ROS1: variants seen among roughly 807,000 people sequenced by gnomAD.
ROS1 encodes ROS proto-oncogene 1, receptor tyrosine kinase.
ROS1 carries 263 observed loss-of-function variants against 273.5 expected under a neutral mutation model. The observed-to-expected ratio is 0.96, with a 90% confidence interval of 0.87 to 1.06. The LOEUF (loss-of-function observed/expected upper bound fraction) is 1.06, where lower values mean the gene tolerates loss of function less well. ROS1 is among the 50% of genes least tolerant of loss of function. ROS1 has a pLI of 0.00. For missense variants in ROS1, 2,833 were observed against 2,751.1 expected (o/e 1.03, Z -0.67); for synonymous variants, 1,008 against 954.1 (o/e 1.06, Z -1.04).
intron 32 of ROS1, among the ~76,000 whole-genome samples, chr6:117,333,937 G>A (rs921978140): frequency 6.6e-6 from 1 of 152,074 alleles, no homozygotes; most frequent in Non-Finnish European, 1.5e-5. Context: ...ACCAGTACAA[G>A]ACAAGGGTGT....
chr6:117,369,885 A>T (rs1780615041), intron 18 of ROS1, among the ~76,000 whole-genome samples: 1 of 152,174 alleles, frequency 6.6e-6, no homozygotes, highest in Admixed American at 6.5e-5. Context: ...ATATACATAA[A>T]TATCTATCTA....
At chr6:117,388,123 C>T (rs192546448) in intron 13 of ROS1, 131 bp from the exon 14 acceptor site, 20 of 1,337,382 alleles carry the variant, frequency 1.5e-5, no homozygotes, top group African/African-American at 1.2e-4. Context: ...TCCGCTACCC[C>T]GATAATCACC....
intron 31 of ROS1, among the ~76,000 whole-genome samples, chr6:117,337,576 C>A (rs1777575053): frequency 6.6e-6 from 1 of 152,048 alleles, no homozygotes; most frequent in Admixed American, 6.6e-5. Flanking sequence ...CAAAGTGGGA[C>A]ATACACCTCT....
chr6:117,345,534 G>A (rs1231458138), intron 27 of ROS1, among the ~76,000 whole-genome samples: 1 of 152,208 alleles, frequency 6.6e-6, no homozygotes, highest in Non-Finnish European at 1.5e-5. Context: ...GAGGGTGCCT[G>A]ACATATATTA....
At chr6:117,409,695 T>C in intron 4 of ROS1, 53 bp from the exon 5 acceptor site, 2 of 1,427,080 alleles carry the variant, frequency 1.4e-6, no homozygotes, top group Admixed American at 1.7e-5. Context: ...CTGGTTTTGC[T>C]GATAAGCTTC....
Position 117,359,976 on chromosome 6 carries a change from CAAG to C in ROS1, c.3463_3465del (p.Leu1155del), listed in dbSNP as rs1291133053. Reference sequence around the variant, plus strand: ...ATATCTAAAAAAACTATCTTGTTACCAAGAAGAGTTATGAGGTGAGGAAATGGG... The same window carrying C: ...ATATCTAAAAAAACTATCTTGTTACCAAGAGTTATGAGGTGAGGAAATGGG... On this transcript the variant is annotated inframe_deletion, in exon 24 of 44. Coordinates refer to ENST00000368507, the MANE Select transcript of ROS1 (RefSeq NM_001378902.1). 3 of 1,613,596 alleles carry C rather than the reference CAAG, an allele frequency of 1.9e-6. No homozygotes were observed. Among genetic ancestry groups the C allele is most frequent in the Non-Finnish European group, 2.5e-6 (3 of 1,179,808 alleles).
intron 43 of ROS1, among the ~76,000 whole-genome samples, chr6:117,290,515 G>C (rs1219095052): frequency 6.6e-6 from 1 of 152,186 alleles, no homozygotes; most frequent in South Asian, 2.1e-4. Flanking sequence ...CATGCACTGG[G>C]CAACCTCTTT....
At chr6:117,360,459 T>TAA in intron 22 of ROS1, 54 bp from the exon 23 acceptor site, 1 of 1,234,854 alleles carries the variant, frequency 8.1e-7, no homozygotes. Flanking sequence ...TGGCAACAAT[T>TAA]AAGTTCTGAG....
chr6:117,345,465 A>C (rs1435557036), intron 27 of ROS1, among the ~76,000 whole-genome samples: 1 of 152,220 alleles, frequency 6.6e-6, no homozygotes, highest in Non-Finnish European at 1.5e-5. Flanking sequence ...TAGCACTAGA[A>C]TGTAACTATC....
At position 117,413,836 on chromosome 6, in the gene ROS1, C is replaced by G. The variant is rs1775121511; in HGVS notation, c.255+683G>C. 3.3e-5 allele frequency among the ~76,000 whole-genome samples: 5 copies of G among 152,072 alleles called. No homozygotes were observed. The South Asian group carries it at 1.0e-3, about 32-fold the overall frequency. On this transcript the variant is annotated intron_variant, in intron 4 of 43. Coordinates refer to ENST00000368507, the MANE Select transcript of ROS1 (RefSeq NM_001378902.1). ...ATCTCTACTAAAAATACAAAGTTAGCCAGGCATGGTGGCACATGCCTGTAG... is the reference window on the plus strand; with the variant it reads ...ATCTCTACTAAAAATACAAAGTTAGGCAGGCATGGTGGCACATGCCTGTAG...
intron 32 of ROS1, among the ~76,000 whole-genome samples, chr6:117,333,562 T>C (rs1777252548): frequency 6.6e-6 from 1 of 152,142 alleles, no homozygotes; most frequent in Admixed American, 6.6e-5. Flanking sequence ...CCAATATACC[T>C]GATGAACATT....
intron 23 of ROS1, 69 bp downstream of exon 23, chr6:117,360,273 G>GACACGGACAC: frequency 1.3e-6 from 1 of 762,284 alleles, no homozygotes; most frequent in Non-Finnish European, 2.2e-6. Flanking sequence ...ACACCAATGG[G>GACACGGACAC]ACACACACAC....
At chr6:117,402,127 T>G (rs562410917) in intron 7 of ROS1, among the ~76,000 whole-genome samples, 1 of 152,286 alleles carries the variant, frequency 6.6e-6, no homozygotes, top group African/African-American at 2.4e-5. Context: ...GTGACTCTCC[T>G]TCCAGAATAA....
rs766115237 is a variant in ROS1, at chr6:117,319,918, C to T, written c.5872G>A (p.Ala1958Thr). ...GAFGEVYEGT[A>T]VDILGVGSGE... ...CTTCCAACTCCTAAGATGTCCACTG[C>T]TGTTCCTTCATACACTTCTCCAAAG... The change falls in exon 37 of 44, where the codon GCA becomes ACA. Residue 1958 changes from alanine (A) to threonine (T), a missense_variant. Coordinates refer to ENST00000368507, the MANE Select transcript of ROS1 (RefSeq NM_001378902.1). The T allele has an allele frequency of 1.1e-5, 17 of 1,613,318 alleles. No homozygotes were observed. The highest frequency in any genetic ancestry group is 1.4e-5 in the Non-Finnish European group (16 of 1,179,540).
intron 15 of ROS1, among the ~76,000 whole-genome samples, chr6:117,386,601 T>C (rs1483977729): frequency 1.3e-5 from 2 of 152,254 alleles, no homozygotes; most frequent in African/African-American, 4.8e-5. Context: ...GATAGGCTGT[T>C]AATGTGAGAT....
intron 42 of ROS1, among the ~76,000 whole-genome samples, chr6:117,305,563 C>A (rs1775038370): frequency 1.3e-5 from 2 of 152,058 alleles, no homozygotes; most frequent in African/African-American, 2.4e-5. Context: ...AATATATAAA[C>A]CCTTTCTGTT....
rs1777883679 is a variant in ROS1 at position 117,341,191 on chromosome 6, T to A, written c.5005A>T (p.Asn1669Tyr). 1 of 1,613,458 alleles carries A rather than the reference T, an allele frequency of 6.2e-7. No homozygotes were observed. The change falls in exon 31 of 44, where the codon AAT becomes TAT. Residue 1669 changes from asparagine to tyrosine, a missense_variant. Coordinates refer to ENST00000368507, the MANE Select transcript of ROS1 (RefSeq NM_001378902.1). ...TTAACATTCAATGGAGCCTTCCAAT[T>A]AAATTGCAAACTAGTGTTCTCTGGA... Reference protein sequence around the residue: ...LVPENTSLQFNWKAPLNVNLI... With the variant: ...LVPENTSLQFYWKAPLNVNLI...
At position 117,365,754 on chromosome 6, in the gene ROS1, AC is replaced by A. The variant is rs758837315; in HGVS notation, c.2798-14del. The A allele has an allele frequency of 2.4e-5, 36 of 1,526,298 alleles. No homozygotes were observed. The East Asian group carries it at 7.7e-4, about 33-fold the overall frequency. The allele number at this position is 1,526,298 out of a possible 1,614,324, so 94.5% of individuals were successfully genotyped here. A position where few individuals can be genotyped will look rare whatever the true frequency, so the allele number is the denominator to read the frequency against. On this transcript the variant is annotated splice_polypyrimidine_tract_variant and intron_variant, in intron 19 of 43. Transcript: ENST00000368507. Reference sequence around the variant, plus strand: ...AAGGAAAAGTTCCCTACAGGATGAAACAAAAAAAAGAAATAGGAGAAAAAAA... The same window carrying A: ...AAGGAAAAGTTCCCTACAGGATGAAAAAAAAAAAGAAATAGGAGAAAAAAA...
intron 22 of ROS1, 136 bp from the exon 23 acceptor site, chr6:117,360,541 C>T: frequency 1.8e-6 from 1 of 542,794 alleles, no homozygotes; most frequent in East Asian, 3.1e-5. Flanking sequence ...TAGTTATTGA[C>T]ATTAATATAC....
Sources: allele counts gnomAD v4.1 joint callset (sites outside exome capture counted in the v4.1 genomes callset), GRCh38; gene constraint gnomAD v4.1.1; transcripts MANE v1.5; gene names NCBI Gene and HGNC (gene_info 2026-07-23, HGNC 2026-07-21).